Variants in LIMK2 observed in about 807,000 individuals in gnomAD.
LIMK2 encodes LIM domain kinase 2.
A neutral mutation model predicts 75.7 loss-of-function variants in LIMK2; 35 were observed. The ratio of observed to expected loss-of-function variants is 0.46; its 90% CI spans 0.35 to 0.61. LIMK2 has a LOEUF of 0.61. Ranked by LOEUF, LIMK2 falls within the 20% of genes least tolerant of loss-of-function variation. The probability of loss-of-function intolerance (pLI) is 0.00; values close to 1 mark genes in which losing one functional copy is unlikely to be tolerated. For synonymous variants in LIMK2, 301 were observed against 319.2 expected (o/e 0.94, Z 0.61); for missense variants, 623 against 831.0 (o/e 0.75, Z 3.08).
chr22:31,268,325 A>G (rs2048917507), intron 11 of LIMK2, 125 bp downstream of exon 11: 2 of 798,260 alleles, frequency 2.5e-6, no homozygotes, highest in South Asian at 1.4e-5. Flanking sequence ...GCAGCTATTC[A>G]TTGAGTTTGT....
chr22:31,250,786 CCT>C (rs1411675297), intron 2 of LIMK2, among the ~76,000 whole-genome samples: 11 of 152,150 alleles, frequency 7.2e-5, no homozygotes, highest in Admixed American at 2.6e-4. Context: ...CCTCTTTGGG[CCT>C]CAGTTTCATC....
rs2048526243 is a variant in LIMK2 at position 31,231,297 on chromosome 22, T to A, written c.116+5478T>A. Among the ~76,000 whole-genome samples, 2 of 152,222 alleles carry A rather than the reference T, an allele frequency of 1.3e-5. 1 individual carries two copies. The highest frequency in any genetic ancestry group is 4.1e-4 in the South Asian group (2 of 4,832). ...AATGTCAACAAAAGTGCTGTTAACT[T>A]TCTTCTGGGTCTCAGGCTCCTGATG... On this transcript the variant is annotated intron_variant, in intron 2 of 15. Coordinates refer to ENST00000331728, the MANE Select transcript of LIMK2 (RefSeq NM_005569.4).
At chr22:31,275,099 G>GTATC in intron 14 of LIMK2, 52 bp from the exon 15 acceptor site, 1 of 1,574,366 alleles carries the variant, frequency 6.4e-7, no homozygotes, top group Non-Finnish European at 8.7e-7. Flanking sequence ...CCCTTGCCAA[G>GTATC]TATCTGTGGC....
chr22:31,277,402 C>T, intron 15 of LIMK2: 1 of 1,229,670 alleles, frequency 8.1e-7, no homozygotes, highest in Non-Finnish European at 1.0e-6. Context: ...GTAGGGTACG[C>T]CTTTGGTGCA....
intron 4 of LIMK2, among the ~76,000 whole-genome samples, chr22:31,259,456 A>G (rs910169788): frequency 1.3e-5 from 2 of 152,110 alleles, no homozygotes; most frequent in Admixed American, 6.5e-5. Flanking sequence ...CTGCCCTGCA[A>G]TCCTCCCAGT....
chr22:31,221,217 A>AT (rs2048430516), intron 1 of LIMK2, among the ~76,000 whole-genome samples: 1 of 152,176 alleles, frequency 6.6e-6, no homozygotes, highest in Non-Finnish European at 1.5e-5. Context: ...CAGGGGCCAG[A>AT]CATGGTTTGC....
chr22:31,244,190 C>G (rs981675027), intron 2 of LIMK2, among the ~76,000 whole-genome samples: 1 of 152,202 alleles, frequency 6.6e-6, no homozygotes, highest in African/African-American at 2.4e-5. Context: ...AGCCCGTCGC[C>G]GCTGGAACAG....
chr22:31,233,551 C>T (rs1468284484), intron 2 of LIMK2, among the ~76,000 whole-genome samples: 1 of 152,214 alleles, frequency 6.6e-6, no homozygotes, highest in Admixed American at 6.5e-5. Flanking sequence ...TTGTCCTCCA[C>T]ACACTGATGA....
intron 1 of LIMK2, among the ~76,000 whole-genome samples, 160 bp from the exon 2 acceptor site, chr22:31,225,560 C>G (rs181031556): frequency 2.0e-4 from 30 of 152,334 alleles, no homozygotes; most frequent in African/African-American, 7.0e-4. Context: ...CAAGTGCTTA[C>G]CAGAGATCTT....
intron 12 of LIMK2, 134 bp from the exon 13 acceptor site, chr22:31,272,396 G>A (rs1023286373): frequency 2.3e-5 from 19 of 833,992 alleles, no homozygotes; most frequent in Middle Eastern, 3.5e-4. Flanking sequence ...ATTTGATAGA[G>A]CTTTCTGCTC....
intron 11 of LIMK2, among the ~76,000 whole-genome samples, chr22:31,269,286 C>CTTTTTTTTTTTT (rs796361643): frequency 1.0e-4 from 10 of 95,478 alleles, no homozygotes; most frequent in African/African-American, 1.2e-4. Flanking sequence ...ATTTTTTTTT[C>CTTTTTTTTTTTT]TTTTTTTTTT....
At chr22:31,231,589 T>G (rs2048529343) in intron 2 of LIMK2, among the ~76,000 whole-genome samples, 2 of 151,980 alleles carry the variant, frequency 1.3e-5, no homozygotes, top group Non-Finnish European at 2.9e-5. Flanking sequence ...GACCACAGAG[T>G]GGTACTCCTA....
At chr22:31,222,163 C>T (rs536734055) in intron 1 of LIMK2, among the ~76,000 whole-genome samples, 13 of 151,820 alleles carry the variant, frequency 8.6e-5, no homozygotes, top group Middle Eastern at 3.4e-3. Flanking sequence ...CTCTGCCTCC[C>T]GGGTTCAAGC....
At chr22:31,276,777 A>T (rs2049028257) in intron 15 of LIMK2, 2 of 1,604,096 alleles carry the variant, frequency 1.2e-6, no homozygotes, top group African/African-American at 2.7e-5. Context: ...AGGACCACGC[A>T]TCTACTTTCA....
chr22:31,224,365 T>G (rs1311157926), intron 1 of LIMK2, among the ~76,000 whole-genome samples: 3 of 152,162 alleles, frequency 2.0e-5, no homozygotes, highest in East Asian at 3.9e-4. Context: ...TCAGCTCAAG[T>G]GTCAGCTTCC....
chr22:31,268,300 G>T, intron 11 of LIMK2, 100 bp downstream of exon 11: 1 of 952,584 alleles, frequency 1.0e-6, no homozygotes, highest in Non-Finnish European at 1.7e-6. Context: ...TATGCAACTT[G>T]TGTGGGCTGG....
Position 31,259,176 on chromosome 22 carries a change from T to C in LIMK2, c.308T>C (p.Val103Ala), listed in dbSNP as rs188450615. 2.5e-5 allele frequency: 41 copies of C among 1,613,836 alleles called. No individual in the cohort carries two copies. In the Admixed American group the frequency reaches 3.0e-4, roughly 12 times the overall value. Residue 103 changes from valine (V) to alanine (A), a missense_variant, in exon 4 of 16, where the codon GTG (valine) becomes GCG (alanine). By Grantham distance (64) the Val-to-Ala change is moderately conservative. Coordinates refer to ENST00000331728, the MANE Select transcript of LIMK2 (RefSeq NM_005569.4). The stretch of plus-strand genomic sequence containing the variant: ...TGCTTTGCCTGTATGAGCTGCAAGG[T>C]GATCATTGAGGATGGGGATGCATAT... ...PECFACMSCK[V>A]IIEDGDAYAL... is the part of the protein sequence containing the mutation.
At chr22:31,217,159 T>C (rs887790358) in intron 1 of LIMK2, among the ~76,000 whole-genome samples, 4 of 152,090 alleles carry the variant, frequency 2.6e-5, no homozygotes, top group South Asian at 2.1e-4. Flanking sequence ...CCCAGCACTT[T>C]GGGAGGCTGA....
Position 31,212,426 on chromosome 22 carries a change from TA to T in LIMK2, c.16+4del. 1 of 1,334,186 alleles carries T rather than the reference TA, an allele frequency of 7.5e-7. No individual in the cohort carries two copies. The highest frequency in any genetic ancestry group is 9.7e-7 in the Non-Finnish European group (1 of 1,032,674). 82.6% of individuals were successfully genotyped at this position (1,334,186 alleles called of 1,614,324 possible). A position where few individuals can be genotyped will look rare whatever the true frequency, so the allele number is the denominator to read the frequency against. On this transcript the variant is annotated splice_donor_region_variant and intron_variant, in intron 1 of 15. Transcript: ENST00000331728. Reference sequence around the variant, plus strand: ...CCGGGACCATGTCCGCGCTGGCGGGTAAGGAAGGGCTGCTCCGCCCTGTCCC... The same window carrying T: ...CCGGGACCATGTCCGCGCTGGCGGGTAGGAAGGGCTGCTCCGCCCTGTCCC...
Sources: gnomAD v4.1 joint callset for allele counts (sites outside exome capture counted in the v4.1 genomes callset) on GRCh38, gnomAD v4.1.1 for gene constraint, MANE v1.5 for transcripts, NCBI Gene and HGNC (gene_info 2026-07-23, HGNC 2026-07-21) for gene names.